Variants in CAMK1D observed in about 807,000 individuals in gnomAD.
CAMK1D encodes calcium/calmodulin-dependent protein kinase type 1D.
CAMK1D carries 9 observed loss-of-function variants against 47.7 expected under a neutral mutation model. The observed-to-expected ratio is 0.19, with a 90% CI of 0.11 to 0.33. The LOEUF (loss-of-function observed/expected upper bound fraction) is 0.33, where lower values mean the gene tolerates loss of function less well. CAMK1D is among the 10% of genes least tolerant of loss of function. The probability of loss-of-function intolerance (pLI) is 1.00; values close to 1 mark genes in which losing one functional copy is unlikely to be tolerated. For synonymous variants in CAMK1D, 184 were observed against 184.9 expected, an observed-to-expected ratio of 0.99 and a Z score of 0.04; for missense variants, 291 against 488.7, an observed-to-expected ratio of 0.60 and a Z score of 3.81.
At chr10:12,717,892 A>C (rs1834215579) in intron 3 of CAMK1D, among the ~76,000 whole-genome samples, 1 of 132,410 alleles carries the variant, frequency 7.6e-6, no homozygotes, top group Non-Finnish European at 1.6e-5. Flanking sequence ...AGACCCTGTC[A>C]AAAAAAAAAA....
intron 1 of CAMK1D, among the ~76,000 whole-genome samples, chr10:12,536,577 C>T (rs1588606989): frequency 6.6e-6 from 1 of 152,222 alleles, no homozygotes; most frequent in South Asian, 2.1e-4. Context: ...CCGCACTGCA[C>T]CTGGCCTTCA....
At chr10:12,714,761 TACACACACACAC>T (rs55827922) in intron 3 of CAMK1D, among the ~76,000 whole-genome samples, 1,616 of 130,566 alleles carry the variant, frequency 0.012, 27 homozygotes, top group African/African-American at 0.043. Flanking sequence ...TACATTAAAT[TACACACACACAC>T]ACACACACAC....
At chr10:12,746,257 G>A (rs11257966) in intron 3 of CAMK1D, among the ~76,000 whole-genome samples, 3 of 151,066 alleles carry the variant, frequency 2.0e-5, no homozygotes, top group East Asian at 1.9e-4. Flanking sequence ...CCAGCTACTC[G>A]GGAGGCTGAG....
intron 3 of CAMK1D, among the ~76,000 whole-genome samples, chr10:12,705,098 C>CATCACTGG (rs1333408374): frequency 6.6e-6 from 1 of 152,068 alleles, no homozygotes; most frequent in Admixed American, 6.6e-5. Context: ...GGTCTTGACC[C>CATCACTGG]ATCACTGGAT....
chr10:12,413,394 A>G (rs2724800), intron 1 of CAMK1D, among the ~76,000 whole-genome samples: 1,979 of 151,402 alleles, frequency 0.013, 51 homozygotes, highest in African/African-American at 0.045. Context: ...ACAATTCATC[A>G]TAACATTTGG....
chr10:12,484,750 C>T (rs575812615), intron 1 of CAMK1D, among the ~76,000 whole-genome samples: 1 of 151,646 alleles, frequency 6.6e-6, no homozygotes, highest in East Asian at 1.9e-4. Flanking sequence ...GAGATGTTCT[C>T]CAGGTTTCTA....
intron 1 of CAMK1D, among the ~76,000 whole-genome samples, chr10:12,483,003 A>G (rs550597582): frequency 6.6e-6 from 1 of 152,110 alleles, no homozygotes; most frequent in African/African-American, 2.4e-5. Context: ...TGCAAAAGAG[A>G]TAATATGGTT....
Position 12,664,511 on chromosome 10 carries a change from A to C in CAMK1D, c.225-2225A>C, listed in dbSNP as rs532280524. Reference sequence around the variant, plus strand: ...TTTATTGGGGTCCGCAATGATAGCTAGGCAAGTGCTTTGTGTTATTGTTGA... The same window carrying C: ...TTTATTGGGGTCCGCAATGATAGCTCGGCAAGTGCTTTGTGTTATTGTTGA... On this transcript the variant is annotated intron_variant, in intron 2 of 10. Transcript: ENST00000619168. Among the ~76,000 whole-genome samples the C allele has an allele frequency of 3.3e-5, 5 of 152,318 alleles. No individual in the cohort carries two copies. The East Asian group carries it at 9.6e-4, about 29-fold the overall frequency.
intron 3 of CAMK1D, among the ~76,000 whole-genome samples, chr10:12,744,654 G>C (rs1299488655): frequency 2.0e-5 from 3 of 152,094 alleles, no homozygotes; most frequent in Non-Finnish European, 4.4e-5. Context: ...ACTTTGGGAG[G>C]CTGAAGTGGG....
chr10:12,694,580 A>G (rs1187412176), intron 3 of CAMK1D, among the ~76,000 whole-genome samples: 1 of 88,436 alleles, frequency 1.1e-5, no homozygotes, highest in Non-Finnish European at 2.2e-5. Context: ...ATATAAAAAT[A>G]TATCATATAT....
At chr10:12,437,559 C>G (rs1832671886) in intron 1 of CAMK1D, among the ~76,000 whole-genome samples, 3 of 152,132 alleles carry the variant, frequency 2.0e-5, no homozygotes, top group Admixed American at 6.5e-5. Flanking sequence ...ACGGAGATTT[C>G]CTATATACTC....
intron 1 of CAMK1D, among the ~76,000 whole-genome samples, chr10:12,397,809 A>G (rs1286834511): frequency 6.6e-6 from 1 of 152,226 alleles, no homozygotes; most frequent in Non-Finnish European, 1.5e-5. Flanking sequence ...TTGAATCAAC[A>G]TACCAGAAAA....
chr10:12,437,442 G>A (rs951190607), intron 1 of CAMK1D, among the ~76,000 whole-genome samples: 2 of 152,084 alleles, frequency 1.3e-5, no homozygotes, highest in Non-Finnish European at 2.9e-5. Flanking sequence ...TGATCCACCC[G>A]CCTTGACCTC....
chr10:12,734,351 T>A (rs1284532472), intron 3 of CAMK1D, among the ~76,000 whole-genome samples: 391 of 5,726 alleles, frequency 0.068, 42 homozygotes, highest in African/African-American at 0.14. Context: ...AAAAAATATA[T>A]ATATATATAT....
chr10:12,820,646 G>A (rs1334695687), intron 8 of CAMK1D, among the ~76,000 whole-genome samples: 1 of 152,172 alleles, frequency 6.6e-6, no homozygotes, highest in Non-Finnish European at 1.5e-5. Context: ...GGCGAGGGAG[G>A]CCTTGGCAAT....
intron 1 of CAMK1D, among the ~76,000 whole-genome samples, chr10:12,431,498 G>A (rs1341693626): frequency 6.6e-6 from 1 of 152,184 alleles, no homozygotes; most frequent in African/African-American, 2.4e-5. Flanking sequence ...GTGCACTCCC[G>A]AGAGGTAGAT....
chr10:12,758,271 A>G (rs528749740), intron 3 of CAMK1D, among the ~76,000 whole-genome samples: 1 of 152,234 alleles, frequency 6.6e-6, no homozygotes, highest in Non-Finnish European at 1.5e-5. Context: ...CATTCAGTCC[A>G]TAACAGTACC....
At chr10:12,784,592 C>T (rs1564559491) in intron 5 of CAMK1D, among the ~76,000 whole-genome samples, 1 of 152,206 alleles carries the variant, frequency 6.6e-6, no homozygotes, top group East Asian at 1.9e-4. Context: ...CTCAAAGTTC[C>T]TGTCTGAAAT....
chr10:12,751,783 G>A (rs182809007), intron 3 of CAMK1D, among the ~76,000 whole-genome samples: 16 of 151,624 alleles, frequency 1.1e-4, no homozygotes, highest in African/African-American at 3.7e-4. Flanking sequence ...CTCAGCAGCC[G>A]GCACGCAGCA....
Sources: gnomAD v4.1 joint callset for allele counts (sites outside exome capture counted in the v4.1 genomes callset) on GRCh38, gnomAD v4.1.1 for gene constraint, MANE v1.5 for transcripts, NCBI Gene and HGNC (gene_info 2026-07-23, HGNC 2026-07-21) for gene names.